Variants in MICAL3 observed in about 807,000 individuals in gnomAD.
The protein encoded by MICAL3 is [F-actin]-monooxygenase MICAL3.
Under a neutral mutation model 207.4 loss-of-function variants are expected in MICAL3, and 62 were observed. The observed-to-expected ratio is 0.30, with a 90% CI of 0.24 to 0.37. The LOEUF is 0.37. MICAL3 is among the 10% of genes least tolerant of loss of function. The pLI is 1.00. For missense variants in MICAL3, 2,368 were observed against 2,635.6 expected (o/e 0.90, Z 2.22); for synonymous variants, 1,077 against 1,069.3 (o/e 1.01, Z -0.14).
At chr22:17,962,650 G>C (rs1934962336) in intron 1 of MICAL3, among the ~76,000 whole-genome samples, 1 of 152,224 alleles carries the variant, frequency 6.6e-6, no homozygotes, top group Non-Finnish European at 1.5e-5. Context: ...CGACAAATTT[G>C]GAGCACTAAC....
At chr22:17,846,516 C>T (rs1382362186) in intron 19 of MICAL3, among the ~76,000 whole-genome samples, 7 of 152,154 alleles carry the variant, frequency 4.6e-5, no homozygotes, top group South Asian at 2.1e-4. Flanking sequence ...ATAGTGAGAG[C>T]GGTAACAGCA....
chr22:17,861,987 AAGG>A, intron 19 of MICAL3: 1 of 985,418 alleles, frequency 1.0e-6, no homozygotes, highest in Non-Finnish European at 1.2e-6. Flanking sequence ...AAAGAACATA[AAGG>A]AGAAGAGAGA....
chr22:17,850,358 T>C (rs2146098565), intron 19 of MICAL3, among the ~76,000 whole-genome samples: 1 of 149,352 alleles, frequency 6.7e-6, no homozygotes, highest in East Asian at 2.0e-4. Context: ...AGTCCTTTGC[T>C]CTCACTCTGT....
chr22:17,796,705 G>C lies in MICAL3; in HGVS notation c.5651-5404C>G, dbSNP rs556991606. On this transcript the variant is annotated intron_variant, in intron 29 of 31. Coordinates refer to ENST00000441493, the MANE Select transcript of MICAL3 (RefSeq NM_015241.3). This position sits in a 1 kb window ranked among gnomAD's most constrained non-coding sequence, Gnocchi z 4.4. ...GAGGCCCGATGTCCCTTCCTGCCTC[G>C]TCTTCTGAAGAGGCCCTGAGAGGGT... Among the ~76,000 whole-genome samples, 55 of 152,276 alleles carry C rather than the reference G, an allele frequency of 3.6e-4. No homozygotes were observed. Among genetic ancestry groups the C allele is most frequent in the Non-Finnish European group, 6.6e-4 (45 of 68,016 alleles).
intron 1 of MICAL3, among the ~76,000 whole-genome samples, chr22:17,953,365 T>C (rs1304039215): frequency 6.6e-6 from 1 of 152,092 alleles, no homozygotes; most frequent in Non-Finnish European, 1.5e-5. Context: ...CCTTCCCACC[T>C]CTGAAACAAC....
intron 1 of MICAL3, among the ~76,000 whole-genome samples, chr22:17,913,313 A>T (rs1347920581): frequency 1.3e-5 from 2 of 152,142 alleles, no homozygotes; most frequent in Non-Finnish European, 2.9e-5. Flanking sequence ...GAGTAGAAAT[A>T]AGTCGTGTTT....
chr22:17,900,763 C>A lies in MICAL3; in HGVS notation c.847+79G>T. On this transcript the variant is annotated intron_variant, in intron 6 of 31. Coordinates refer to ENST00000441493, the MANE Select transcript of MICAL3 (RefSeq NM_015241.3). The surrounding 1 kb of genome is among the most constrained non-coding windows in gnomAD (Gnocchi z 4.0). The stretch of plus-strand genomic sequence containing the variant: ...CAGGAGGGACACCGACGGCCACTCA[C>A]CCCACCAATCCCCCAAGAAAAAGCC... 1.5e-6 allele frequency: 2 copies of A among 1,346,804 alleles called. No individual in the cohort carries two copies. The highest frequency in any genetic ancestry group is 2.1e-6 in the Non-Finnish European group (2 of 950,674). 83.4% of individuals were successfully genotyped at this position (1,346,804 alleles called of 1,614,324 possible).
intron 19 of MICAL3, chr22:17,858,337 G>T: frequency 2.9e-6 from 1 of 349,504 alleles, no homozygotes; most frequent in Non-Finnish European, 4.0e-6. Flanking sequence ...ACCACCCCTT[G>T]TTTCATTATG....
At chr22:17,895,441 G>A (rs374480531) in intron 9 of MICAL3, 31 bp from the exon 10 acceptor site, 15 of 1,611,036 alleles carry the variant, frequency 9.3e-6, no homozygotes, top group African/African-American at 6.7e-5. Flanking sequence ...ACTCAGAATC[G>A]GGACCAGCAC....
intron 1 of MICAL3, among the ~76,000 whole-genome samples, chr22:17,980,159 T>C (rs1935843926): frequency 6.6e-6 from 1 of 152,110 alleles, no homozygotes; most frequent in Admixed American, 6.5e-5. Flanking sequence ...GTGGGTAATA[T>C]GAGCTCTTGA....
intron 29 of MICAL3, among the ~76,000 whole-genome samples, chr22:17,792,946 C>T (rs932837787): frequency 3.9e-5 from 6 of 152,240 alleles, no homozygotes; most frequent in African/African-American, 1.2e-4. Flanking sequence ...CCCACATGGC[C>T]GTGGAGGAGG....
intron 1 of MICAL3, among the ~76,000 whole-genome samples, chr22:17,956,403 G>A (rs955372648): frequency 1.3e-5 from 2 of 152,216 alleles, no homozygotes; most frequent in Non-Finnish European, 2.9e-5. Flanking sequence ...GCCGGGCATG[G>A]TGGCTCACGG....
At chr22:18,000,450 G>C (rs543782292) in intron 1 of MICAL3, among the ~76,000 whole-genome samples, 1 of 152,342 alleles carries the variant, frequency 6.6e-6, no homozygotes, top group South Asian at 2.1e-4. Flanking sequence ...GCCCCTTAAC[G>C]GGATGCGGCA....
At chr22:17,880,911 C>G (rs146670842) in intron 16 of MICAL3, among the ~76,000 whole-genome samples, 1 of 152,206 alleles carries the variant, frequency 6.6e-6, no homozygotes, top group African/African-American at 2.4e-5. Flanking sequence ...GCTCTCAGGG[C>G]TCCTGGGCCT....
At chr22:17,870,950 T>A (rs547878192) in intron 17 of MICAL3, among the ~76,000 whole-genome samples, 2 of 152,288 alleles carry the variant, frequency 1.3e-5, no homozygotes, top group South Asian at 4.1e-4. Flanking sequence ...CGGCATGGCA[T>A]CCCTCTCCTA....
At position 17,799,699 on chromosome 22, in the gene MICAL3, G is replaced by A. The variant is rs550564676; in HGVS notation, c.5651-8398C>T. On this transcript the variant is annotated intron_variant, in intron 29 of 31. Coordinates refer to ENST00000441493, the MANE Select transcript of MICAL3 (RefSeq NM_015241.3). ...CACCATGGCCCTGACAGGGGTCCCA[G>A]CTGGCTGGTGTGCAATACTGCAGAC... Among the ~76,000 whole-genome samples, 9 of 152,308 alleles carry A rather than the reference G, an allele frequency of 5.9e-5. No individual in the cohort carries two copies. In the South Asian group the frequency reaches 1.9e-3, roughly 32 times the overall value.
At chr22:17,811,854 C>T (rs532902700) in intron 27 of MICAL3, among the ~76,000 whole-genome samples, 2 of 152,336 alleles carry the variant, frequency 1.3e-5, no homozygotes, top group East Asian at 3.9e-4. Flanking sequence ...ACGTGATCCT[C>T]CCGCCTCAGC....
At chr22:17,864,831 G>A (rs751899268) in intron 19 of MICAL3, 68 bp downstream of exon 19, 1 of 1,613,902 alleles carries the variant, frequency 6.2e-7, no homozygotes. Context: ...GCTGGCTCAT[G>A]CCCTTGGCCT....
At chr22:17,843,626 C>A (rs1420522073) in intron 19 of MICAL3, among the ~76,000 whole-genome samples, 1 of 152,228 alleles carries the variant, frequency 6.6e-6, no homozygotes, top group African/African-American at 2.4e-5. Context: ...GTTGACCCTG[C>A]ACCCCACACA....
Sources: gnomAD v4.1 joint callset for allele counts (sites outside exome capture counted in the v4.1 genomes callset) on GRCh38, gnomAD v4.1.1 for gene constraint, Gnocchi (gnomAD v3.1) non-coding constraint, MANE v1.5 for transcripts, NCBI Gene and HGNC (gene_info 2026-07-23, HGNC 2026-07-21) for gene names.